The following METRNL variants were observed in gnomAD, a reference collection of about 807,000 sequenced individuals.
METRNL encodes the protein meteorin-like protein.
Under a neutral mutation model 17.4 loss-of-function variants are expected in METRNL, and 9 were observed. The ratio of observed to expected loss-of-function variants is 0.52; its 90% CI spans 0.31 to 0.90. METRNL has a LOEUF of 0.90. Among genes scored for constraint, METRNL ranks in the 40% least tolerant of loss-of-function variants. The probability of loss-of-function intolerance (pLI) is 0.05; values close to 1 mark genes in which losing one functional copy is unlikely to be tolerated. For missense variants in METRNL, 408 were observed against 430.7 expected (o/e 0.95, Z 0.47); for synonymous variants, 215 against 199.3 (o/e 1.08, Z -0.66).
chr17:83,089,758 C>T (rs924071268), intron 2 of METRNL, among the ~76,000 whole-genome samples: 7 of 152,290 alleles, frequency 4.6e-5, no homozygotes, highest in South Asian at 2.1e-4. Flanking sequence ...CGGCGTCCAC[C>T]GGCGTCCACC....
Position 83,085,089 on chromosome 17 carries a change from A to G in METRNL, c.322A>G (p.Ile108Val). The G allele has an allele frequency of 6.2e-7, 1 of 1,613,904 alleles. No homozygotes were observed. The highest frequency in any genetic ancestry group is 8.5e-7 in the Non-Finnish European group (1 of 1,180,020). The change falls in exon 2 of 4, where the codon ATC becomes GTC. Residue 108 changes from isoleucine to valine, a missense_variant. Coordinates refer to ENST00000320095, the MANE Select transcript of METRNL (RefSeq NM_001004431.3). Reference sequence around the variant, plus strand: ...GCCTGCCCGGCACCTGACCGTGTGCATCAGGTCCTTCACGGACTCCTCGGG... The same window carrying G: ...GCCTGCCCGGCACCTGACCGTGTGCGTCAGGTCCTTCACGGACTCCTCGGG... ...FSPARHLTVC[I>V]RSFTDSSGAN...
chr17:83,082,806 T>C (rs2038004894), intron 1 of METRNL, among the ~76,000 whole-genome samples: 1 of 152,206 alleles, frequency 6.6e-6, no homozygotes, highest in Non-Finnish European at 1.5e-5. Context: ...GTCTGCTGGG[T>C]CCCAGGCTGA....
At chr17:83,080,796 G>T (rs1329898728) in intron 1 of METRNL, among the ~76,000 whole-genome samples, 1 of 149,980 alleles carries the variant, frequency 6.7e-6, no homozygotes, top group Non-Finnish European at 1.5e-5. Flanking sequence ...CGAGTGACGC[G>T]CGCCTCCCGG....
chr17:83,081,693 C>T (rs2037991380), intron 1 of METRNL, among the ~76,000 whole-genome samples: 1 of 152,150 alleles, frequency 6.6e-6, no homozygotes, highest in African/African-American at 2.4e-5. Context: ...GGACCCCCCC[C>T]AACACACACA....
intron 1 of METRNL, among the ~76,000 whole-genome samples, chr17:83,081,852 C>A (rs2037993225): frequency 6.6e-6 from 1 of 152,200 alleles, no homozygotes; most frequent in African/African-American, 2.4e-5. Flanking sequence ...ACACACGTCA[C>A]GAATCAGTGA....
At chr17:83,094,227 T>G in intron 3 of METRNL, 29 bp from the exon 4 acceptor site, 1 of 1,537,142 alleles carries the variant, frequency 6.5e-7, no homozygotes, top group Non-Finnish European at 8.8e-7. Flanking sequence ...CTTTGCTCAC[T>G]CCCTGTCCCC....
At chr17:83,091,211 T>C (rs1043031384) in intron 2 of METRNL, among the ~76,000 whole-genome samples, 2 of 151,502 alleles carry the variant, frequency 1.3e-5, no homozygotes, top group African/African-American at 4.9e-5. Context: ...TGGACCGGCC[T>C]CGAGGCGCCC....
intron 2 of METRNL, among the ~76,000 whole-genome samples, chr17:83,088,582 C>T: frequency 6.6e-6 from 1 of 152,182 alleles, no homozygotes; most frequent in East Asian, 1.9e-4. Context: ...GGCCGGGCAG[C>T]AGCATCGTGG....
rs374750413 is a variant in METRNL at position 83,093,241 on chromosome 17, G to C, written c.616+15G>C. The C allele has an allele frequency of 6.2e-7, 1 of 1,602,600 alleles. No homozygotes were observed. The highest frequency in any genetic ancestry group is 8.5e-7 in the Non-Finnish European group (1 of 1,176,952). On this transcript the variant is annotated intron_variant, in intron 3 of 3. Transcript: ENST00000320095. ...CAGCGACTTCGGTGAGTGTCTCCTC[G>C]GCAGCTTCTACCTCCTGTGCTCCTG... is the stretch of plus-strand genomic sequence containing the variant.
chr17:83,082,136 T>C (rs571124827), intron 1 of METRNL: 1 of 985,464 alleles, frequency 1.0e-6, no homozygotes, highest in South Asian at 4.7e-5. Context: ...CCCGTCTTTA[T>C]CAGCCAGTGC....
chr17:83,085,884 C>G (rs2038047743), intron 2 of METRNL, among the ~76,000 whole-genome samples: 1 of 152,242 alleles, frequency 6.6e-6, no homozygotes, highest in African/African-American at 2.4e-5. Flanking sequence ...TGGGTGGGAG[C>G]TGAGGCTGGC....
rs2038160897 is a variant in METRNL at position 83,093,184 on chromosome 17, A to T, written c.574A>T (p.Ser192Cys). The change falls in exon 3 of 4, where the codon AGT (serine) becomes TGT (cysteine). Residue 192 changes from serine (S) to cysteine (C), a missense_variant. Coordinates refer to ENST00000320095, the MANE Select transcript of METRNL (RefSeq NM_001004431.3). ...TTCTCCAGCGCCGTGCCGTCCCTGCAGTGACACCGAGGTGCTCCTAGCCGT... is the reference window on the plus strand; with the variant it reads ...TTCTCCAGCGCCGTGCCGTCCCTGCTGTGACACCGAGGTGCTCCTAGCCGT... ...HELSAPCRPC[S>C]DTEVLLAVCT... 6.2e-7 allele frequency: 1 copy of T among 1,608,270 alleles called. No homozygotes were observed. Among genetic ancestry groups the T allele is most frequent in the Non-Finnish European group, 8.5e-7 (1 of 1,179,910 alleles).
At chr17:83,089,367 C>T (rs561058001) in intron 2 of METRNL, among the ~76,000 whole-genome samples, 18 of 152,316 alleles carry the variant, frequency 1.2e-4, no homozygotes, top group Admixed American at 7.2e-4. Flanking sequence ...GGTTTCCCGT[C>T]GGAACTGTGT....
At chr17:83,089,908 C>T (rs947787710) in intron 2 of METRNL, among the ~76,000 whole-genome samples, 5 of 152,036 alleles carry the variant, frequency 3.3e-5, no homozygotes, top group South Asian at 2.1e-4. Context: ...AGGCACTGAC[C>T]GTCCCCGGCC....
chr17:83,090,511 C>T (rs1183223507), intron 2 of METRNL, among the ~76,000 whole-genome samples: 1 of 80,870 alleles, frequency 1.2e-5, no homozygotes, highest in African/African-American at 5.0e-5. Flanking sequence ...CACACACCCC[C>T]GCCCCACACA....
intron 1 of METRNL, chr17:83,082,186 C>T (rs1346969424): frequency 1.2e-5 from 12 of 985,344 alleles, no homozygotes; most frequent in African/African-American, 1.7e-5. Flanking sequence ...TTGCTGTCAG[C>T]CCGGGCATCG....
intron 2 of METRNL, among the ~76,000 whole-genome samples, chr17:83,089,762 G>A (rs35610241): frequency 0.019 from 2,903 of 152,196 alleles, 52 homozygotes; most frequent in Non-Finnish European, 0.032. Flanking sequence ...GTCCACCGGC[G>A]TCCACCCTGC....
chr17:83,083,722 G>A (rs2143617249), intron 1 of METRNL, among the ~76,000 whole-genome samples: 1 of 152,366 alleles, frequency 6.6e-6, no homozygotes, highest in African/African-American at 2.4e-5. Context: ...TGGGGGCCCA[G>A]AGTGTGAGTC....
At chr17:83,089,095 C>G (rs1279271111) in intron 2 of METRNL, among the ~76,000 whole-genome samples, 1 of 152,122 alleles carries the variant, frequency 6.6e-6, no homozygotes, top group Non-Finnish European at 1.5e-5. Flanking sequence ...GGCCAACACC[C>G]CCGGGGCACC....
Sources: allele counts gnomAD v4.1 joint callset (sites outside exome capture counted in the v4.1 genomes callset), GRCh38; gene constraint gnomAD v4.1.1; transcripts MANE v1.5; gene names NCBI Gene and HGNC (gene_info 2026-07-23, HGNC 2026-07-21).